Variants in DDX42 observed in about 807,000 individuals in gnomAD.
DDX42 encodes the protein DEAD-box helicase 42.
DDX42 carries 22 observed loss-of-function variants against 101.5 expected under a neutral mutation model. That is an observed-to-expected ratio of 0.22 (90% CI 0.15 to 0.31). The LOEUF is 0.31. Among genes scored for constraint, DDX42 ranks in the 10% least tolerant of loss-of-function variants. DDX42 has a pLI of 1.00. For missense variants in DDX42, 849 were observed against 1,199.9 expected (o/e 0.71, Z 4.32); for synonymous variants, 402 against 401.2 (o/e 1.00, Z -0.02).
chr17:63,791,000 A>AGTGTGTATATATATGTATGCAT (rs1555571962), intron 2 of DDX42, among the ~76,000 whole-genome samples: 6 of 152,252 alleles, frequency 3.9e-5, no homozygotes, highest in African/African-American at 1.2e-4. Context: ...GTGTTACATT[A>AGTGTGTATATATATGTATGCAT]GTGTGTATAT....
At chr17:63,806,132 T>A (rs1309918785) in intron 7 of DDX42, 1 of 155,242 alleles carries the variant, frequency 6.4e-6, no homozygotes, top group Non-Finnish European at 1.4e-5. Flanking sequence ...TGGAGCCCAC[T>A]TGGAATTTTC....
At chr17:63,797,884 T>G (rs1481739260) in intron 3 of DDX42, among the ~76,000 whole-genome samples, 154 bp from the exon 4 acceptor site, 3 of 152,238 alleles carry the variant, frequency 2.0e-5, no homozygotes, top group African/African-American at 7.2e-5. Context: ...GTTATTTCTC[T>G]TTGAAAAATA....
intron 1 of DDX42, among the ~76,000 whole-genome samples, chr17:63,777,785 C>G (rs1326463758): frequency 6.6e-6 from 1 of 152,026 alleles, no homozygotes; most frequent in African/African-American, 2.4e-5. Flanking sequence ...ATATTCATGT[C>G]TTTAGGAGTT....
intron 12 of DDX42, 78 bp from the exon 13 acceptor site, chr17:63,810,998 C>T (rs2039903167): frequency 2.5e-6 from 3 of 1,203,014 alleles, no homozygotes; most frequent in Non-Finnish European, 3.5e-6. Flanking sequence ...CTGAATAATC[C>T]TGAATGCCAA....
chr17:63,817,076 T>G, intron 17 of DDX42, 110 bp downstream of exon 17: 2 of 818,276 alleles, frequency 2.4e-6, no homozygotes, highest in Middle Eastern at 2.3e-4. Flanking sequence ...GATGCTAGAT[T>G]TAGGGTCTTC....
intron 3 of DDX42, among the ~76,000 whole-genome samples, chr17:63,795,381 C>T (rs1339247773): frequency 6.6e-6 from 1 of 152,168 alleles, no homozygotes; most frequent in Non-Finnish European, 1.5e-5. Context: ...GACAGGATCT[C>T]TCGCCCAAGC....
intron 7 of DDX42, 121 bp from the exon 8 acceptor site, chr17:63,806,414 C>G (rs1025132069): frequency 2.0e-5 from 23 of 1,132,088 alleles, no homozygotes; most frequent in Non-Finnish European, 2.7e-5. Flanking sequence ...TTTTGGCTTA[C>G]AGACTTGTAT....
At position 63,807,759 on chromosome 17, in the gene DDX42, T is replaced by C; in HGVS notation, c.882T>C (p.Ile294=). The C allele has an allele frequency of 5.6e-6, 9 of 1,614,038 alleles. No individual in the cohort carries two copies. Among genetic ancestry groups the C allele is most frequent in the Non-Finnish European group, 7.6e-6 (9 of 1,179,978 alleles). Residue 294 remains isoleucine, a synonymous_variant, in exon 9 of 18, where the codon ATT becomes ATC. Transcript: ENST00000389924. ...TGGCATTAAGTGGTAGAGACATGAT[T>C]GGTATTGCCAAAACAGGTAGTGGGA... is the stretch of plus-strand genomic sequence containing the variant. The part of the protein sequence containing the change: ...VPVALSGRDM[I]GIAKTGSGKT...
At chr17:63,796,652 A>G (rs766141908) in intron 3 of DDX42, among the ~76,000 whole-genome samples, 11 of 152,222 alleles carry the variant, frequency 7.2e-5, no homozygotes, top group Non-Finnish European at 1.3e-4. Flanking sequence ...AAACTTTTCT[A>G]GTGCTTGAAC....
intron 3 of DDX42, 102 bp downstream of exon 3, chr17:63,792,664 AT>A (rs762239266): frequency 0.088 from 86,276 of 981,076 alleles, 335 homozygotes; most frequent in African/African-American, 0.15. Flanking sequence ...TAGTCTTATT[AT>A]TTTTTTTTTT....
chr17:63,817,913 A>G lies in DDX42; in HGVS notation c.2332A>G (p.Thr778Ala). Residue 778 changes from threonine (T) to alanine (A), a missense_variant, in exon 18 of 18, where the codon ACC (threonine) becomes GCC (alanine). Physicochemically the swap from Thr to Ala is moderately conservative, Grantham distance 58. Transcript: ENST00000389924. The stretch of plus-strand genomic sequence containing the variant: ...TGGCAACATCAGTGGTGCCCCTGTG[A>G]CCTACCCGTCTGCCGGAGCCCAAGG... ...NTGNISGAPV[T>A]YPSAGAQGVN... is the part of the protein sequence containing the mutation. 1 of 1,614,116 alleles carries G rather than the reference A, an allele frequency of 6.2e-7. No individual in the cohort carries two copies. The highest frequency in any genetic ancestry group is 1.3e-5 in the African/African-American group (1 of 75,008).
chr17:63,787,202 A>G lies in DDX42; in HGVS notation c.153A>G (p.Ser51=). Residue 51 remains serine (S), a synonymous_variant, in exon 2 of 18, where the codon TCA becomes TCG. Transcript: ENST00000389924. ...ATSSSSGFGK[S]APPQLPSFYK... ...GCTCTTCTTCTGGATTTGGAAAGTC[A>G]GCTCCACCACAGCTTCCTTCTTTCT... is the stretch of plus-strand genomic sequence containing the variant. The G allele has an allele frequency of 6.2e-7, 1 of 1,614,198 alleles. No homozygotes were observed. The highest frequency in any genetic ancestry group is 8.5e-7 in the Non-Finnish European group (1 of 1,180,040).
At chr17:63,783,144 A>G (rs921779907) in intron 1 of DDX42, among the ~76,000 whole-genome samples, 5 of 152,180 alleles carry the variant, frequency 3.3e-5, no homozygotes, top group African/African-American at 7.2e-5. Context: ...TGCACTCTGT[A>G]TAGTACGTCT....
chr17:63,798,905 T>G (rs867217679), intron 4 of DDX42, among the ~76,000 whole-genome samples: 20 of 152,182 alleles, frequency 1.3e-4, no homozygotes, highest in East Asian at 3.8e-4. Context: ...ACTGGTGGTG[T>G]TGCTTGCCGG....
rs1024913816 is a variant in DDX42 at position 63,811,439 on chromosome 17, C to G, written c.1398+266C>G. Reference sequence around the variant, plus strand: ...GTTTTATTGAATGTCTCAAAACTTACAATTGTTTTAAAAAGGCTTCAAAGA... The same window carrying G: ...GTTTTATTGAATGTCTCAAAACTTAGAATTGTTTTAAAAAGGCTTCAAAGA... On this transcript the variant is annotated intron_variant, in intron 13 of 17. Coordinates refer to ENST00000389924, the MANE Select transcript of DDX42 (RefSeq NM_203499.3). The G allele has an allele frequency of 7.8e-6, 3 of 382,628 alleles. No individual in the cohort carries two copies. In the South Asian group the frequency reaches 1.5e-4, roughly 19 times the overall value. The allele number at this position is 382,628 out of a possible 1,614,324, so 23.7% of individuals were successfully genotyped here.
chr17:63,778,087 G>A lies in DDX42; in HGVS notation c.-17+3711G>A, dbSNP rs115908279. Among the ~76,000 whole-genome samples the A allele has an allele frequency of 1.4e-3, 210 of 152,058 alleles. 1 individual carries two copies. Among genetic ancestry groups the A allele is most frequent in the African/African-American group, 4.9e-3 (203 of 41,352 alleles). On this transcript the variant is annotated intron_variant, in intron 1 of 17. Coordinates refer to ENST00000389924, the MANE Select transcript of DDX42 (RefSeq NM_203499.3). ...CTGGAAGAACCTGGAAAGGGTTTTCGATAAGCATCTGAATACTGACCTCCC... is the reference window on the plus strand; with the variant it reads ...CTGGAAGAACCTGGAAAGGGTTTTCAATAAGCATCTGAATACTGACCTCCC...
At chr17:63,799,400 A>C in intron 4 of DDX42, 189 bp from the exon 5 acceptor site, 1 of 464,456 alleles carries the variant, frequency 2.2e-6, no homozygotes, top group Non-Finnish European at 3.8e-6. Context: ...TGCAAACTGC[A>C]GATTATAGAG....
At position 63,797,969 on chromosome 17, in the gene DDX42, C is replaced by T; in HGVS notation, c.373-69C>T. Reference sequence around the variant, plus strand: ...AGCTAAAGCTATTATGGCACTTGTTCCAATCTAAAAATTGTTTCTTTCAGT... The same window carrying T: ...AGCTAAAGCTATTATGGCACTTGTTTCAATCTAAAAATTGTTTCTTTCAGT... On this transcript the variant is annotated intron_variant, in intron 3 of 17. Coordinates refer to ENST00000389924, the MANE Select transcript of DDX42 (RefSeq NM_203499.3). 8 of 1,451,718 alleles carry T rather than the reference C, an allele frequency of 5.5e-6. No individual in the cohort carries two copies. The South Asian group carries it at 1.0e-4, about 18-fold the overall frequency. 89.9% of individuals were successfully genotyped at this position (1,451,718 alleles called of 1,614,324 possible). A position where few individuals can be genotyped will look rare whatever the true frequency, so the allele number is the denominator to read the frequency against.
rs2040010978 is a variant in DDX42 at position 63,818,680 on chromosome 17, C to G, written c.*282C>G. On this transcript the variant is annotated 3_prime_UTR_variant, in exon 18 of 18. Transcript: ENST00000389924. ...AGGTTATCTTGGGATAAAGGGTCTT[C>G]TAGGGCACAAAACTCACTCTAGGTT... 1 of 364,590 alleles carries G rather than the reference C, an allele frequency of 2.7e-6. No homozygotes were observed. The highest frequency in any genetic ancestry group is 5.0e-6 in the Non-Finnish European group (1 of 198,562). The allele number at this position is 364,590 out of a possible 1,614,324, so 22.6% of individuals were successfully genotyped here.
Sources: allele counts gnomAD v4.1 joint callset (sites outside exome capture counted in the v4.1 genomes callset), GRCh38; gene constraint gnomAD v4.1.1; transcripts MANE v1.5; gene names NCBI Gene and HGNC (gene_info 2026-07-23, HGNC 2026-07-21).